Variants in RABGAP1L observed in about 807,000 individuals in gnomAD.
RABGAP1L encodes the protein RAB GTPase activating protein 1 like, also known as rab GTPase-activating protein 1-like.
A neutral mutation model predicts 137.7 loss-of-function variants in RABGAP1L; 63 were observed. The observed-to-expected ratio is 0.46, with a 90% CI of 0.37 to 0.56. The LOEUF (loss-of-function observed/expected upper bound fraction) is 0.56, where lower values mean the gene tolerates loss of function less well. Among genes scored for constraint, RABGAP1L ranks in the 20% least tolerant of loss-of-function variants. The pLI is 0.00. For missense variants in RABGAP1L, 1,095 were observed against 1,244.0 expected (o/e 0.88, Z 1.80); for synonymous variants, 431 against 433.7 (o/e 0.99, Z 0.08).
At chr1:174,196,698 T>C (rs1259010184) in intron 1 of RABGAP1L, among the ~76,000 whole-genome samples, 6 of 152,138 alleles carry the variant, frequency 3.9e-5, no homozygotes, top group African/African-American at 1.4e-4. Context: ...CTTCCTGCTC[T>C]AGTTTCTTGT....
intron 11 of RABGAP1L, among the ~76,000 whole-genome samples, chr1:174,333,481 C>T (rs1206479694): frequency 3.9e-5 from 6 of 152,178 alleles, no homozygotes; most frequent in East Asian, 1.9e-4. Flanking sequence ...AATAAAAATG[C>T]GTTTAATGCA....
chr1:174,760,231 T>C (rs911384962), intron 18 of RABGAP1L, among the ~76,000 whole-genome samples: 1 of 151,904 alleles, frequency 6.6e-6, no homozygotes, highest in African/African-American at 2.4e-5. Flanking sequence ...AGGTCTGTTA[T>C]ATAGATAAAT....
chr1:174,176,832 C>T (rs755401707), intron 1 of RABGAP1L, among the ~76,000 whole-genome samples: 2 of 150,414 alleles, frequency 1.3e-5, no homozygotes, highest in Non-Finnish European at 2.9e-5. Flanking sequence ...GTAATCCCAG[C>T]ACTTTGAGAG....
intron 3 of RABGAP1L, among the ~76,000 whole-genome samples, chr1:174,228,801 G>A (rs1008192279): frequency 6.6e-6 from 1 of 152,120 alleles, no homozygotes; most frequent in African/African-American, 2.4e-5. Flanking sequence ...TCCTGGTAAT[G>A]GCAGTCTGAA....
At chr1:174,890,690 CA>C (rs1049754967) in intron 19 of RABGAP1L, among the ~76,000 whole-genome samples, 20 of 152,054 alleles carry the variant, frequency 1.3e-4, no homozygotes, top group African/African-American at 4.8e-4. Context: ...TTTATACATG[CA>C]AACAAATTTA....
At chr1:174,892,523 C>T in intron 19 of RABGAP1L, 1 of 509,582 alleles carries the variant, frequency 2.0e-6, no homozygotes, top group African/African-American at 2.0e-5. Context: ...AAAAGTTTCT[C>T]CAAGTTTCAA....
At chr1:174,384,038 C>G (rs1341844664) in intron 12 of RABGAP1L, among the ~76,000 whole-genome samples, 1 of 152,150 alleles carries the variant, frequency 6.6e-6, no homozygotes, top group East Asian at 1.9e-4. Flanking sequence ...AAATGTCCGT[C>G]AAAAGTAAAT....
chr1:174,533,010 G>A (rs1055604149), intron 13 of RABGAP1L, among the ~76,000 whole-genome samples: 1 of 152,188 alleles, frequency 6.6e-6, no homozygotes, highest in African/African-American at 2.4e-5. Context: ...CGAGGTGGGT[G>A]GGTCACGAGG....
intron 10 of RABGAP1L, among the ~76,000 whole-genome samples, chr1:174,293,771 T>C (rs1006726084): frequency 2.0e-5 from 3 of 152,152 alleles, no homozygotes; most frequent in African/African-American, 4.8e-5. Context: ...TAAACACTTA[T>C]TGAGTGCCTA....
rs1359831975 is a variant in RABGAP1L, at chr1:174,962,207, ACAC to A, written c.2433+4659_2433+4661del. Among the ~76,000 whole-genome samples, 366 of 79,778 alleles carry A rather than the reference ACAC, an allele frequency of 4.6e-3. 40 individuals are homozygous for A. Among genetic ancestry groups the A allele is most frequent in the African/African-American group, 0.021 (354 of 16,862 alleles). The allele number at this position is 79,778 out of a possible 152,430, so 52.3% of individuals were successfully genotyped here. ...AAAAATAAAAATACACCCCCCCCCCACACACACACACAGCTAGTTAATTAAATT... is the reference window on the plus strand; with the variant it reads ...AAAAATAAAAATACACCCCCCCCCCAACACACACAGCTAGTTAATTAAATT... On this transcript the variant is annotated intron_variant, in intron 20 of 25. Transcript: ENST00000681986.
chr1:174,583,578 T>C (rs1183246493), intron 13 of RABGAP1L, among the ~76,000 whole-genome samples: 3 of 152,178 alleles, frequency 2.0e-5, no homozygotes, highest in Non-Finnish European at 4.4e-5. Context: ...TAATCATGAT[T>C]CACCAATGGA....
rs35889834 is a variant in RABGAP1L, at chr1:174,747,402, TAAAA to T, written c.2170-4890_2170-4887del. Among the ~76,000 whole-genome samples, 170 of 81,928 alleles carry T rather than the reference TAAAA, an allele frequency of 2.1e-3. 2 individuals are homozygous for T. The highest frequency in any genetic ancestry group is 6.8e-3 in the African/African-American group (154 of 22,632). 53.7% of individuals were successfully genotyped at this position (81,928 alleles called of 152,430 possible). A position where few individuals can be genotyped will look rare whatever the true frequency, so the allele number is the denominator to read the frequency against. ...GTGTGACAGAGTGAAATTCTATCTC[TAAAA>T]AAAAAAAAAAAAAAAAAAAACCTGA... On this transcript the variant is annotated intron_variant, in intron 17 of 25. Coordinates refer to ENST00000681986, the MANE Select transcript of RABGAP1L (RefSeq NM_001366446.1).
chr1:174,356,069 G>C (rs1683614609), intron 11 of RABGAP1L, among the ~76,000 whole-genome samples: 1 of 152,096 alleles, frequency 6.6e-6, no homozygotes, highest in Admixed American at 6.6e-5. Context: ...ATGTGGTTTT[G>C]GTCTTTCACA....
At chr1:174,359,128 C>CAG (rs1683918973) in intron 11 of RABGAP1L, among the ~76,000 whole-genome samples, 1 of 151,446 alleles carries the variant, frequency 6.6e-6, no homozygotes, top group African/African-American at 2.4e-5. Flanking sequence ...TCAAAACCTT[C>CAG]AATTACCCCT....
At chr1:174,500,940 A>C (rs2147758570) in intron 13 of RABGAP1L, among the ~76,000 whole-genome samples, 1 of 152,302 alleles carries the variant, frequency 6.6e-6, no homozygotes, top group East Asian at 1.9e-4. Flanking sequence ...ATTAAAGACC[A>C]AGTTGCTTTT....
chr1:174,832,477 T>C (rs184047954), intron 19 of RABGAP1L, among the ~76,000 whole-genome samples: 1 of 147,972 alleles, frequency 6.8e-6, no homozygotes, highest in African/African-American at 2.5e-5. Context: ...TTGGCTGATG[T>C]TCCCCACTAT....
At chr1:174,381,172 G>C (rs1172333166) in intron 12 of RABGAP1L, among the ~76,000 whole-genome samples, 3 of 140,630 alleles carry the variant, frequency 2.1e-5, no homozygotes, top group Non-Finnish European at 4.6e-5. Flanking sequence ...TATAATTTCT[G>C]TTCTTTTACA....
intron 13 of RABGAP1L, among the ~76,000 whole-genome samples, chr1:174,542,261 C>G (rs926031904): frequency 2.6e-5 from 4 of 152,158 alleles, no homozygotes; most frequent in Admixed American, 2.0e-4. Context: ...ATTATTGCCT[C>G]AATTTCAGAG....
intron 1 of RABGAP1L, among the ~76,000 whole-genome samples, chr1:174,184,798 T>G (rs1056666086): frequency 3.3e-5 from 5 of 152,246 alleles, no homozygotes; most frequent in Admixed American, 2.0e-4. Flanking sequence ...TGAAATTTTA[T>G]GGTGTTAATC....
Sources: gnomAD v4.1 joint callset for allele counts (sites outside exome capture counted in the v4.1 genomes callset) on GRCh38, gnomAD v4.1.1 for gene constraint, MANE v1.5 for transcripts, NCBI Gene and HGNC (gene_info 2026-07-23, HGNC 2026-07-21) for gene names.